Variants in DLG2 observed in about 807,000 individuals in gnomAD.
DLG2 encodes the protein disks large homolog 2.
Under a neutral mutation model 132.5 loss-of-function variants are expected in DLG2, and 45 were observed. That is an observed-to-expected ratio of 0.34 (90% CI 0.27 to 0.44). The LOEUF (loss-of-function observed/expected upper bound fraction) is 0.44. DLG2 is among the 20% of genes least tolerant of loss of function. DLG2 has a pLI of 1.00. For synonymous variants in DLG2, 424 were observed against 419.6 expected, an observed-to-expected ratio of 1.01 and a Z score of -0.13; for missense variants, 1,045 against 1,196.9, an observed-to-expected ratio of 0.87 and a Z score of 1.87.
In DLG2 at chr11:85,110,305, T is replaced by TG. The variant is rs1207584574; in HGVS notation, c.357+1355_357+1356insC. 2.1e-4 allele frequency among the ~76,000 whole-genome samples: 32 copies of TG among 152,074 alleles called. No homozygotes were observed. The South Asian group carries it at 6.4e-3, about 31-fold the overall frequency. ...AGTGGCATGCACCTGTAATCCCAGC[T>TG]ACTTGGGGAGGCTGAGGCACAAGAA... is the stretch of plus-strand genomic sequence containing the variant. On this transcript the variant is annotated intron_variant, in intron 6 of 27. Transcript: ENST00000376104.
chr11:84,180,982 G>T (rs910406022), intron 8 of DLG2, among the ~76,000 whole-genome samples: 6 of 151,600 alleles, frequency 4.0e-5, no homozygotes, highest in Admixed American at 4.0e-4. Context: ...AAGAAAGAAA[G>T]AGCTCTGGAG....
intron 12 of DLG2, among the ~76,000 whole-genome samples, chr11:83,976,503 A>G (rs1445926431): frequency 6.6e-6 from 1 of 151,926 alleles, no homozygotes; most frequent in East Asian, 1.9e-4. Context: ...GGTAGTAAAG[A>G]GAAGAGGAGG....
chr11:83,873,967 A>G (rs2064008324), intron 16 of DLG2, among the ~76,000 whole-genome samples: 2 of 152,174 alleles, frequency 1.3e-5, no homozygotes. Context: ...TATCATTTGT[A>G]CTAGACAATG....
At chr11:85,430,334 C>T (rs961848708) in intron 3 of DLG2, among the ~76,000 whole-genome samples, 12 of 150,858 alleles carry the variant, frequency 8.0e-5, no homozygotes, top group African/African-American at 2.9e-4. Context: ...CACATGTACC[C>T]TAAAACTTAA....
chr11:84,147,364 G>A (rs1395415336), intron 9 of DLG2, among the ~76,000 whole-genome samples: 2 of 152,160 alleles, frequency 1.3e-5, no homozygotes, highest in East Asian at 1.9e-4. Context: ...CTAAAAGGAG[G>A]AGGATGCTTT....
chr11:84,804,633 G>C (rs2075790654), intron 6 of DLG2, among the ~76,000 whole-genome samples: 1 of 152,146 alleles, frequency 6.6e-6, no homozygotes, highest in African/African-American at 2.4e-5. Context: ...AACATCAACA[G>C]AGGCACACAA....
intron 6 of DLG2, among the ~76,000 whole-genome samples, chr11:85,090,960 G>A (rs903793196): frequency 2.6e-5 from 4 of 152,160 alleles, no homozygotes; most frequent in Admixed American, 2.6e-4. Context: ...GAGATCATAT[G>A]GTGAAAGAGG....
At chr11:85,547,024 G>T (rs946072720) in intron 3 of DLG2, among the ~76,000 whole-genome samples, 2 of 152,034 alleles carry the variant, frequency 1.3e-5, no homozygotes, top group Non-Finnish European at 2.9e-5. Context: ...ATATTGTTAT[G>T]TGTGAATTTA....
At chr11:84,434,580 A>G (rs1226078039) in intron 7 of DLG2, among the ~76,000 whole-genome samples, 1 of 152,152 alleles carries the variant, frequency 6.6e-6, no homozygotes, top group Non-Finnish European at 1.5e-5. Context: ...TGTTGTGATA[A>G]TTAGATTAAA....
intron 3 of DLG2, among the ~76,000 whole-genome samples, chr11:85,305,718 T>C (rs1441895590): frequency 6.6e-6 from 1 of 152,172 alleles, no homozygotes; most frequent in Admixed American, 6.5e-5. Flanking sequence ...TTTCACCATG[T>C]TAGCCAGGAT....
At chr11:84,059,551 G>T in intron 10 of DLG2, 67 bp from the exon 11 acceptor site, 1 of 1,221,436 alleles carries the variant, frequency 8.2e-7, no homozygotes, top group Non-Finnish European at 1.1e-6. Context: ...ATATTATTAT[G>T]TTTATCTGAC....
intron 3 of DLG2, among the ~76,000 whole-genome samples, chr11:85,478,423 T>G (rs1320224631): frequency 1.3e-5 from 2 of 152,298 alleles, no homozygotes; most frequent in Middle Eastern, 3.4e-3. Flanking sequence ...AGGACTGTCT[T>G]GTGCCAACAC....
intron 6 of DLG2, among the ~76,000 whole-genome samples, chr11:84,557,376 C>T (rs900538037): frequency 1.3e-5 from 2 of 151,798 alleles, no homozygotes; most frequent in Non-Finnish European, 2.9e-5. Context: ...ATTTTAGCTC[C>T]CACAATGACA....
At chr11:83,667,201 C>T (rs188436579) in intron 18 of DLG2, among the ~76,000 whole-genome samples, 1 of 152,166 alleles carries the variant, frequency 6.6e-6, no homozygotes, top group East Asian at 1.9e-4. Context: ...GTTTAGATAA[C>T]CTTTTCTTAG....
intron 21 of DLG2, among the ~76,000 whole-genome samples, chr11:83,490,170 G>A (rs756880691): frequency 5.9e-5 from 9 of 151,746 alleles, no homozygotes; most frequent in African/African-American, 2.2e-4. Context: ...GAAACATTTC[G>A]TGGGGCTAGA....
intron 7 of DLG2, among the ~76,000 whole-genome samples, chr11:84,337,143 T>C (rs1253454692): frequency 6.6e-6 from 1 of 152,206 alleles, no homozygotes; most frequent in African/African-American, 2.4e-5. Context: ...TTCAGTTTTT[T>C]AATGTATAAA....
intron 3 of DLG2, among the ~76,000 whole-genome samples, chr11:85,596,118 A>T (rs1297311635): frequency 6.6e-6 from 1 of 152,154 alleles, no homozygotes; most frequent in Non-Finnish European, 1.5e-5. Context: ...GGTCAGGTGC[A>T]GTGATTGACG....
At chr11:85,465,359 G>A (rs959838956) in intron 3 of DLG2, among the ~76,000 whole-genome samples, 3 of 151,626 alleles carry the variant, frequency 2.0e-5, no homozygotes, top group East Asian at 1.9e-4. Flanking sequence ...CAATGTGCAC[G>A]TTTGTTACAT....
intron 6 of DLG2, among the ~76,000 whole-genome samples, chr11:85,007,159 C>T (rs374906420): frequency 4.0e-5 from 6 of 151,828 alleles, no homozygotes; most frequent in African/African-American, 1.5e-4. Context: ...ACAAATTCCT[C>T]ATGTGCTATT....
Sources: gnomAD v4.1 joint callset for allele counts (sites outside exome capture counted in the v4.1 genomes callset) on GRCh38, gnomAD v4.1.1 for gene constraint, MANE v1.5 for transcripts, NCBI Gene and HGNC (gene_info 2026-07-23, HGNC 2026-07-21) for gene names.